STAU2: variants seen among roughly 807,000 people sequenced by gnomAD.
The protein encoded by STAU2 is double-stranded RNA-binding protein Staufen homolog 2.
STAU2 carries 20 observed loss-of-function variants against 65.9 expected under a neutral mutation model. The observed-to-expected ratio is 0.30, with a 90% CI of 0.21 to 0.44. STAU2 has a LOEUF of 0.44. Among genes scored for constraint, STAU2 ranks in the 20% least tolerant of loss-of-function variants. STAU2 has a pLI of 1.00. For missense variants in STAU2, 558 were observed against 683.9 expected, an observed-to-expected ratio of 0.82 and a Z score of 2.05; for synonymous variants, 232 against 233.9, an observed-to-expected ratio of 0.99 and a Z score of 0.07.
chr8:73,532,615 G>A (rs1403416767), intron 13 of STAU2, among the ~76,000 whole-genome samples: 2 of 152,090 alleles, frequency 1.3e-5, no homozygotes, highest in Non-Finnish European at 1.5e-5. Context: ...GTGACAGAGC[G>A]AGACCCTGTC....
At chr8:73,609,213 T>C (rs893563883) in intron 9 of STAU2, among the ~76,000 whole-genome samples, 2 of 151,796 alleles carry the variant, frequency 1.3e-5, no homozygotes, top group Non-Finnish European at 2.9e-5. Context: ...CCCCCAGAAG[T>C]AGAAGAACAG....
chr8:73,426,461 CT>C (rs1462743309), intron 13 of STAU2, among the ~76,000 whole-genome samples: 3 of 152,162 alleles, frequency 2.0e-5, no homozygotes, highest in African/African-American at 7.2e-5. Context: ...CCCTATCCCT[CT>C]CTTCCCCCTA....
At chr8:73,729,011 G>A (rs1805850864) in intron 3 of STAU2, among the ~76,000 whole-genome samples, 1 of 152,146 alleles carries the variant, frequency 6.6e-6, no homozygotes, top group Non-Finnish European at 1.5e-5. Context: ...ATAAGGGCAA[G>A]GATTTCAGTC....
At chr8:73,724,898 G>C (rs1805519771) in intron 3 of STAU2, among the ~76,000 whole-genome samples, 1 of 152,070 alleles carries the variant, frequency 6.6e-6, no homozygotes. Flanking sequence ...ATGTTGTCCA[G>C]GCTGGTCTTG....
chr8:73,421,974 G>A (rs1024758102), intron 14 of STAU2, among the ~76,000 whole-genome samples: 6 of 135,432 alleles, frequency 4.4e-5, no homozygotes, highest in African/African-American at 1.7e-4. Flanking sequence ...TTTTTTTTTA[G>A]TATAAATTGA....
At chr8:73,561,137 C>T (rs904286356) in intron 12 of STAU2, among the ~76,000 whole-genome samples, 31 of 152,136 alleles carry the variant, frequency 2.0e-4, no homozygotes, top group Middle Eastern at 3.4e-3. Context: ...GATCCAAGGG[C>T]CCCTAAATAG....
chr8:73,466,993 G>A (rs7006373), intron 13 of STAU2, among the ~76,000 whole-genome samples: 1 of 152,050 alleles, frequency 6.6e-6, no homozygotes, highest in African/African-American at 2.4e-5. Flanking sequence ...TCCTTTTCTC[G>A]TTTGTCTTTC....
At chr8:73,470,384 C>G (rs1819922348) in intron 13 of STAU2, among the ~76,000 whole-genome samples, 1 of 152,094 alleles carries the variant, frequency 6.6e-6, no homozygotes, top group Non-Finnish European at 1.5e-5. Context: ...TCAACATAGG[C>G]TATAATACCC....
chr8:73,653,144 GACA>G (rs923991686), intron 6 of STAU2: 3 of 152,284 alleles, frequency 2.0e-5, no homozygotes, highest in South Asian at 2.1e-4. Context: ...CAATCTGACT[GACA>G]ACAATGATTT....
At chr8:73,746,579 T>TC (rs1807304055) in intron 1 of STAU2, among the ~76,000 whole-genome samples, 1 of 125,670 alleles carries the variant, frequency 8.0e-6, no homozygotes, top group Non-Finnish European at 1.7e-5. Context: ...CTGTCCTCCC[T>TC]CCCCCGCCGG....
chr8:73,615,315 G>T (rs1046258805), intron 8 of STAU2, among the ~76,000 whole-genome samples: 2 of 151,608 alleles, frequency 1.3e-5, no homozygotes, highest in Non-Finnish European at 2.9e-5. Context: ...AAAAAAATTG[G>T]ATATTAACAT....
chr8:73,614,495 T>C (rs539844496), intron 8 of STAU2, among the ~76,000 whole-genome samples: 62 of 152,288 alleles, frequency 4.1e-4, no homozygotes, highest in African/African-American at 1.5e-3. Context: ...ATATTTATTC[T>C]TGTGACACGA....
chr8:73,580,308 T>C (rs576251490), intron 12 of STAU2, among the ~76,000 whole-genome samples: 2 of 152,236 alleles, frequency 1.3e-5, no homozygotes, highest in Non-Finnish European at 2.9e-5. Flanking sequence ...AAATGTTACA[T>C]AATTAAAGAT....
At chr8:73,451,898 G>A (rs1157722441) in intron 13 of STAU2, among the ~76,000 whole-genome samples, 2 of 152,248 alleles carry the variant, frequency 1.3e-5, no homozygotes, top group East Asian at 1.9e-4. Context: ...GGAGTTAAAG[G>A]AGCTTGGCGG....
intron 1 of STAU2, among the ~76,000 whole-genome samples, chr8:73,745,046 C>T (rs1022402648): frequency 6.6e-6 from 1 of 152,124 alleles, no homozygotes; most frequent in Non-Finnish European, 1.5e-5. Context: ...CAAGTATGTA[C>T]CATATCCTAC....
At chr8:73,569,735 G>T (rs1202855608) in intron 12 of STAU2, among the ~76,000 whole-genome samples, 1 of 152,174 alleles carries the variant, frequency 6.6e-6, no homozygotes. Flanking sequence ...CAACAGACCT[G>T]CAGCTAAGGG....
intron 3 of STAU2, among the ~76,000 whole-genome samples, chr8:73,723,678 C>T (rs2130718375): frequency 6.6e-6 from 1 of 152,238 alleles, no homozygotes; most frequent in Admixed American, 6.5e-5. Context: ...TATTTTTCAT[C>T]TCAGTTGTAG....
At chr8:73,665,455 T>C (rs1199331022) in intron 6 of STAU2, among the ~76,000 whole-genome samples, 1 of 152,238 alleles carries the variant, frequency 6.6e-6, no homozygotes, top group Non-Finnish European at 1.5e-5. Context: ...CTTACTTCAT[T>C]TATCCAAGAG....
intron 6 of STAU2, among the ~76,000 whole-genome samples, chr8:73,651,773 G>T (rs777108749): frequency 2.0e-5 from 3 of 152,208 alleles, no homozygotes; most frequent in Admixed American, 6.5e-5. Context: ...GTGCTCTGCC[G>T]GAGACGGGAT....
Sources: gnomAD v4.1 joint callset for allele counts (sites outside exome capture counted in the v4.1 genomes callset) on GRCh38, gnomAD v4.1.1 for gene constraint, MANE v1.5 for transcripts, NCBI Gene and HGNC (gene_info 2026-07-23, HGNC 2026-07-21) for gene names.